The following GLI3 variants were observed in gnomAD, a reference collection of about 807,000 sequenced individuals.
GLI3 encodes the protein transcription activator GLI3.
Under a neutral mutation model 100.8 loss-of-function variants are expected in GLI3, and 20 were observed. That is an observed-to-expected ratio of 0.20 (90% CI 0.14 to 0.29). The LOEUF is 0.29. Among genes scored for constraint, GLI3 ranks in the 10% least tolerant of loss-of-function variants. The pLI, the probability that GLI3 is intolerant of heterozygous loss-of-function variation, is 1.00. For missense variants in GLI3, 2,040 were observed against 2,128.5 expected (o/e 0.96, Z 0.82); for synonymous variants, 938 against 860.5 (o/e 1.09, Z -1.58).
chr7:42,257,595 C>T (rs866866585), intron 1 of GLI3, among the ~76,000 whole-genome samples: 2 of 152,194 alleles, frequency 1.3e-5, no homozygotes, highest in South Asian at 2.1e-4. Flanking sequence ...CCTCCCACCT[C>T]GGGCTCCCAA....
chr7:42,077,306 A>T (rs1784899904), intron 3 of GLI3, among the ~76,000 whole-genome samples: 1 of 152,136 alleles, frequency 6.6e-6, no homozygotes, highest in South Asian at 2.1e-4. Context: ...CATGCTCACC[A>T]TACTTTTAAG....
chr7:42,212,002 T>C (rs1788281665), intron 2 of GLI3, among the ~76,000 whole-genome samples: 1 of 152,200 alleles, frequency 6.6e-6, no homozygotes, highest in African/African-American at 2.4e-5. Flanking sequence ...AAACAGAATT[T>C]TTCCCAATGC....
chr7:42,075,914 A>G (rs1784869696), intron 4 of GLI3, among the ~76,000 whole-genome samples: 1 of 152,250 alleles, frequency 6.6e-6, no homozygotes, highest in Non-Finnish European at 1.5e-5. Flanking sequence ...GATGCAATCT[A>G]CCATCTGAAT....
rs995785360 is a variant in GLI3, at chr7:41,972,186, C to T, written c.2103+151G>A. The T allele has an allele frequency of 3.9e-5, 30 of 778,594 alleles. No homozygotes were observed. The African/African-American group carries it at 4.3e-4, about 11-fold the overall frequency. The allele number at this position is 778,594 out of a possible 1,614,324, so 48.2% of individuals were successfully genotyped here. A position where few individuals can be genotyped will look rare whatever the true frequency, so the allele number is the denominator to read the frequency against. ...TCTTTTTCTGAGCTGATCGACTTCA[C>T]GTAAGCAATACGGGTCACTGCCCTC... On this transcript the variant is annotated intron_variant, in intron 13 of 14. Transcript: ENST00000395925. The surrounding 1 kb of genome is among the most constrained non-coding windows in gnomAD (Gnocchi z 4.4).
chr7:42,027,816 G>A (rs551984016), intron 7 of GLI3, among the ~76,000 whole-genome samples: 31 of 152,232 alleles, frequency 2.0e-4, no homozygotes, highest in African/African-American at 6.7e-4. Context: ...AAGCAGAAAC[G>A]TGGTGAAAAC....
chr7:42,157,438 G>A (rs186590297), intron 2 of GLI3, among the ~76,000 whole-genome samples: 1 of 152,304 alleles, frequency 6.6e-6, no homozygotes, highest in Admixed American at 6.5e-5. Context: ...CATGGCCACA[G>A]ACATGACGCT....
At chr7:42,002,980 C>T (rs949055567) in intron 10 of GLI3, among the ~76,000 whole-genome samples, 2 of 152,128 alleles carry the variant, frequency 1.3e-5, no homozygotes, top group Non-Finnish European at 2.9e-5. Flanking sequence ...GCACTAGTTG[C>T]CTAATATTAG....
In GLI3 at chr7:42,021,003, C is replaced by T. The variant is rs139180386; in HGVS notation, c.1497+2465G>A. Among the ~76,000 whole-genome samples, 13 of 151,576 alleles carry T rather than the reference C, an allele frequency of 8.6e-5. No homozygotes were observed. In the East Asian group the frequency reaches 2.3e-3, roughly 27 times the overall value. ...AGCTATTCCTTCAATCAACATAATA[C>T]AAAGCACCTACCTATTCTATAACAG... On this transcript the variant is annotated intron_variant, in intron 10 of 14. Coordinates refer to ENST00000395925, the MANE Select transcript of GLI3 (RefSeq NM_000168.6).
intron 11 of GLI3, among the ~76,000 whole-genome samples, chr7:41,978,165 T>A (rs1031741813): frequency 1.3e-5 from 2 of 152,218 alleles, no homozygotes; most frequent in Non-Finnish European, 2.9e-5. Flanking sequence ...CAGTGAAGAA[T>A]GCACAACCTT....
chr7:42,075,738 G>A lies in GLI3; in HGVS notation c.473+1014C>T, dbSNP rs566776638. ...CTGAAATTACAATTCAGTAATGGGA[G>A]ATGGATCCAAAAAACTGTTGGTAAA... On this transcript the variant is annotated intron_variant, in intron 4 of 14. Coordinates refer to ENST00000395925, the MANE Select transcript of GLI3 (RefSeq NM_000168.6). Among the ~76,000 whole-genome samples the A allele has an allele frequency of 2.1e-3, 318 of 152,278 alleles. 2 individuals carry two copies. Among genetic ancestry groups the A allele is most frequent in the African/African-American group, 7.5e-3 (310 of 41,536 alleles).
chr7:42,238,168 G>T (rs1788871691), upstream of GLI3, among the ~76,000 whole-genome samples: 1 of 151,852 alleles, frequency 6.6e-6, no homozygotes, highest in Non-Finnish European at 1.5e-5. Flanking sequence ...GGGGGCCCGG[G>T]CGTGATGTCA....
chr7:41,967,387 C>T (rs905225665), intron 14 of GLI3, among the ~76,000 whole-genome samples: 1 of 139,270 alleles, frequency 7.2e-6, no homozygotes, highest in African/African-American at 2.5e-5. Context: ...TGCACAGTCA[C>T]ATTTTTTTCT....
intron 3 of GLI3, among the ~76,000 whole-genome samples, chr7:42,081,858 C>G (rs545702556): frequency 6.6e-6 from 1 of 151,888 alleles, no homozygotes; most frequent in African/African-American, 2.4e-5. Context: ...TGAAAGTGCC[C>G]GGGAAACAGT....
At chr7:42,135,261 G>T (rs1786398665) in intron 3 of GLI3, among the ~76,000 whole-genome samples, 1 of 152,096 alleles carries the variant, frequency 6.6e-6, no homozygotes, top group Admixed American at 6.6e-5. Context: ...TCATCCCTCT[G>T]ACTTCTCTAA....
At chr7:42,223,009 G>T in intron 2 of GLI3, 121 bp downstream of exon 2, 10 of 1,165,724 alleles carry the variant, frequency 8.6e-6, no homozygotes, top group Non-Finnish European at 1.1e-5. Context: ...TGCTCCATTT[G>T]CTTTCTTTAG....
chr7:42,183,814 G>A (rs1011710754), intron 2 of GLI3, among the ~76,000 whole-genome samples: 1 of 151,994 alleles, frequency 6.6e-6, no homozygotes, highest in Non-Finnish European at 1.5e-5. Flanking sequence ...CCTCTCACCC[G>A]GACTCAGCCA....
At position 42,073,671 on chromosome 7, in the gene GLI3, CAG is replaced by C. The variant is rs376410563; in HGVS notation, c.473+3079_473+3080del. Among the ~76,000 whole-genome samples the C allele has an allele frequency of 5.8e-4, 88 of 152,276 alleles. 2 individuals carry two copies. The South Asian group carries it at 0.018, about 31-fold the overall frequency. On this transcript the variant is annotated intron_variant, in intron 4 of 14. Transcript: ENST00000395925. ...TAGAAGCGCCTGCCCTTCTTCTAAA[CAG>C]AGATCTGTCGGCATTTCCATCAACA...
In GLI3 at chr7:42,035,586, T is replaced by C. The variant is rs540744861; in HGVS notation, c.1028+4452A>G. ...CACTAAGAATATAAAACCACTTTCA[T>C]TGTAGCCATTAAATAGAAAGTGAGA... On this transcript the variant is annotated intron_variant, in intron 7 of 14. Transcript: ENST00000395925. Among the ~76,000 whole-genome samples the C allele has an allele frequency of 3.0e-4, 45 of 152,364 alleles. No individual in the cohort carries two copies. The East Asian group carries it at 6.0e-3, about 20-fold the overall frequency.
chr7:42,159,642 C>T (rs779507846), intron 2 of GLI3, among the ~76,000 whole-genome samples: 27 of 152,104 alleles, frequency 1.8e-4, no homozygotes, highest in Non-Finnish European at 2.8e-4. Context: ...AACTAACAAG[C>T]GTCTTTTCAA....
Sources: gnomAD v4.1 joint callset for allele counts (sites outside exome capture counted in the v4.1 genomes callset) on GRCh38, gnomAD v4.1.1 for gene constraint, Gnocchi (gnomAD v3.1) non-coding constraint, MANE v1.5 for transcripts, NCBI Gene and HGNC (gene_info 2026-07-23, HGNC 2026-07-21) for gene names.